Variants in MGAT4C observed in about 807,000 individuals in gnomAD.
MGAT4C encodes MGAT4 family member C, also known as alpha-1,3-mannosyl-glycoprotein 4-beta-N-acetylglucosaminyltransferase C.
In MGAT4C, 19 loss-of-function variants were observed where a neutral mutation model predicts 40.1. The observed-to-expected ratio is 0.47, with a 90% CI of 0.33 to 0.70. The LOEUF (loss-of-function observed/expected upper bound fraction) is 0.70. MGAT4C is among the 30% of genes least tolerant of loss of function. The pLI, the probability that MGAT4C is intolerant of heterozygous loss-of-function variation, is 0.02. For synonymous variants in MGAT4C, 181 were observed against 187.1 expected, an observed-to-expected ratio of 0.97 and a Z score of 0.27; for missense variants, 491 against 563.2, an observed-to-expected ratio of 0.87 and a Z score of 1.30.
At chr12:86,416,760 G>A (rs1956725816) in intron 3 of MGAT4C, among the ~76,000 whole-genome samples, 1 of 152,062 alleles carries the variant, frequency 6.6e-6, no homozygotes, top group African/African-American at 2.4e-5. Context: ...TCAATATTAT[G>A]AGTTGAATCA....
At chr12:86,370,780 G>A (rs564407192) in intron 3 of MGAT4C, among the ~76,000 whole-genome samples, 7 of 151,868 alleles carry the variant, frequency 4.6e-5, no homozygotes, top group South Asian at 2.1e-4. Flanking sequence ...ATAATTTCCC[G>A]AAAGTAATTT....
intron 4 of MGAT4C, among the ~76,000 whole-genome samples, chr12:86,293,109 G>A (rs976633368): frequency 2.6e-5 from 4 of 152,054 alleles, no homozygotes; most frequent in Non-Finnish European, 4.4e-5. Context: ...GCTGTTTAGC[G>A]CTGATTATTT....
chr12:86,083,428 T>C (rs1190801665), intron 1 of MGAT4C, among the ~76,000 whole-genome samples: 1 of 152,024 alleles, frequency 6.6e-6, no homozygotes, highest in Non-Finnish European at 1.5e-5. Flanking sequence ...AGATTCAGTT[T>C]TATAGTACTG....
rs570945643 is a variant in MGAT4C at position 86,782,308 on chromosome 12, A to T, written c.-261-55067T>A. On this transcript the variant is annotated intron_variant, in intron 1 of 7. Coordinates refer to the MGAT4C transcript ENST00000548651. ...GCCATTCTCCTGCCTCAGCCTCCCA[A>T]GTAGCTGGGACTACAGGCGCCCGCC... Among the ~76,000 whole-genome samples the T allele has an allele frequency of 2.9e-4, 43 of 146,600 alleles. No homozygotes were observed. In the South Asian group the frequency reaches 9.2e-3, roughly 31 times the overall value.
At position 86,397,538 on chromosome 12, in the gene MGAT4C, A is replaced by G. The variant is rs546235895; in HGVS notation, c.-120+37619T>C. Among the ~76,000 whole-genome samples, 11 of 152,172 alleles carry G rather than the reference A, an allele frequency of 7.2e-5. No homozygotes were observed. The South Asian group carries it at 1.9e-3, about 26-fold the overall frequency. On this transcript the variant is annotated intron_variant, in intron 3 of 7. Transcript: ENST00000548651. ...TATGAATCAAGTCAAGCAGATCCCTATATCTAGTGTAGATATCTTATGTTT... is the reference window on the plus strand; with the variant it reads ...TATGAATCAAGTCAAGCAGATCCCTGTATCTAGTGTAGATATCTTATGTTT...
intron 2 of MGAT4C, among the ~76,000 whole-genome samples, chr12:86,706,441 T>A (rs1450296180): frequency 6.6e-6 from 1 of 151,750 alleles, no homozygotes; most frequent in Non-Finnish European, 1.5e-5. Flanking sequence ...ATTTTTTAAA[T>A]AGGGATAGGG....
intron 1 of MGAT4C, among the ~76,000 whole-genome samples, chr12:86,065,382 C>G (rs1894437363): frequency 6.6e-6 from 1 of 152,156 alleles, no homozygotes; most frequent in Admixed American, 6.5e-5. Flanking sequence ...GGCTTCATAC[C>G]TGGGATGCAA....
chr12:86,813,161 G>T (rs1048116181), intron 1 of MGAT4C, among the ~76,000 whole-genome samples: 1 of 151,784 alleles, frequency 6.6e-6, no homozygotes. Flanking sequence ...TGCTTAGCAG[G>T]GAGAAGCAAG....
At chr12:86,013,005 T>A (rs1888666774) in intron 2 of MGAT4C, among the ~76,000 whole-genome samples, 1 of 150,958 alleles carries the variant, frequency 6.6e-6, no homozygotes, top group African/African-American at 2.4e-5. Flanking sequence ...CACATGCCTG[T>A]GGTCCTAGCT....
chr12:86,800,710 G>A (rs576235862), intron 1 of MGAT4C, among the ~76,000 whole-genome samples: 18 of 151,962 alleles, frequency 1.2e-4, no homozygotes, highest in African/African-American at 4.3e-4. Flanking sequence ...GGAGGAAAGT[G>A]CCATTGTAAG....
At chr12:86,652,986 C>A (rs932312034) in intron 2 of MGAT4C, among the ~76,000 whole-genome samples, 1 of 151,766 alleles carries the variant, frequency 6.6e-6, no homozygotes, top group African/African-American at 2.4e-5. Context: ...CAGAATTATT[C>A]TTTTCTAGAG....
chr12:86,635,928 T>C (rs374797728), intron 2 of MGAT4C, among the ~76,000 whole-genome samples: 2 of 151,918 alleles, frequency 1.3e-5, no homozygotes, highest in African/African-American at 4.8e-5. Context: ...GAGATCTTCC[T>C]GCATTGGCCT....
rs1265301337 is a variant in MGAT4C at position 85,976,044 on chromosome 12, T to C, written c.*3245A>G. 1 of 151,108 alleles carries C rather than the reference T, an allele frequency of 6.6e-6. No individual in the cohort carries two copies. Among genetic ancestry groups the C allele is most frequent in the Non-Finnish European group, 1.5e-5 (1 of 67,226 alleles). The allele number at this position is 151,108 out of a possible 1,614,324, so 9.4% of individuals were successfully genotyped here. A position where few individuals can be genotyped will look rare whatever the true frequency, so the allele number is the denominator to read the frequency against. On this transcript the variant is annotated 3_prime_UTR_variant, in exon 5 of 5. Transcript: ENST00000611864. ...GCCAATATTTGAGCATCTAAAAATG[T>C]AGGTACTTTCCATACCACATCATAT... is the stretch of plus-strand genomic sequence containing the variant.
chr12:86,224,822 C>T (rs1951015887), intron 1 of MGAT4C, among the ~76,000 whole-genome samples: 1 of 152,044 alleles, frequency 6.6e-6, no homozygotes, highest in African/African-American at 2.4e-5. Flanking sequence ...CAATATATTC[C>T]TACATCAAAA....
At chr12:85,992,812 T>A (rs1488786457) in intron 2 of MGAT4C, among the ~76,000 whole-genome samples, 1 of 152,240 alleles carries the variant, frequency 6.6e-6, no homozygotes, top group African/African-American at 2.4e-5. Context: ...TGGCCTTCTT[T>A]GCCTTGCAGG....
rs150248371 is a variant in MGAT4C at position 86,779,362 on chromosome 12, A to T, written c.-261-52121T>A. Among the ~76,000 whole-genome samples the T allele has an allele frequency of 2.5e-3, 387 of 152,248 alleles. 3 individuals carry two copies. The highest frequency in any genetic ancestry group is 8.7e-3 in the African/African-American group (362 of 41,548). On this transcript the variant is annotated intron_variant, in intron 1 of 7. Transcript: ENST00000548651. ...GTAAACCAAGCATTTTGGGAGGCCA[A>T]CGTGGGAGGATCACTTGAGCCCAGG...
chr12:86,501,581 G>A (rs933245384), intron 2 of MGAT4C, among the ~76,000 whole-genome samples: 1 of 141,480 alleles, frequency 7.1e-6, no homozygotes, highest in African/African-American at 2.6e-5. Flanking sequence ...ACTTATAAGT[G>A]AGAACATGCA....
chr12:86,679,821 T>C (rs952297899), intron 2 of MGAT4C, among the ~76,000 whole-genome samples: 1 of 152,122 alleles, frequency 6.6e-6, no homozygotes, highest in Non-Finnish European at 1.5e-5. Flanking sequence ...AATACATTTC[T>C]GCTGTTTATA....
Position 86,532,181 on chromosome 12 carries a change from G to T in MGAT4C, c.-228-96916C>A, listed in dbSNP as rs113733647. Among the ~76,000 whole-genome samples, 509 of 152,042 alleles carry T rather than the reference G, an allele frequency of 3.3e-3. 2 individuals are homozygous for T. The highest frequency in any genetic ancestry group is 0.012 in the African/African-American group (492 of 41,550). On this transcript the variant is annotated intron_variant, in intron 2 of 7. Coordinates refer to the MGAT4C transcript ENST00000548651. Reference sequence around the variant, plus strand: ...AATAAGCTATAAGCTGTATTTCAGTGAACAGAACTGTAACTACTAGTAGTG... The same window carrying T: ...AATAAGCTATAAGCTGTATTTCAGTTAACAGAACTGTAACTACTAGTAGTG...
Sources: allele counts gnomAD v4.1 joint callset (sites outside exome capture counted in the v4.1 genomes callset), GRCh38; gene constraint gnomAD v4.1.1; transcripts MANE v1.5; gene names NCBI Gene and HGNC (gene_info 2026-07-23, HGNC 2026-07-21).